KCNK2: variants seen among roughly 807,000 people sequenced by gnomAD.
KCNK2 encodes the protein potassium channel subfamily K member 2.
In KCNK2, 21 loss-of-function variants were observed where a neutral mutation model predicts 40.5. The ratio of observed to expected loss-of-function variants is 0.52; its 90% CI spans 0.37 to 0.75. KCNK2 has a LOEUF of 0.75. Among genes scored for constraint, KCNK2 ranks in the 30% least tolerant of loss-of-function variants. KCNK2 has a pLI of 0.00. For synonymous variants in KCNK2, 191 were observed against 202.2 expected, an observed-to-expected ratio of 0.94 and a Z score of 0.47; for missense variants, 399 against 531.6, an observed-to-expected ratio of 0.75 and a Z score of 2.45.
At chr1:215,167,111 T>C (rs544975235) in intron 3 of KCNK2, among the ~76,000 whole-genome samples, 26 of 152,264 alleles carry the variant, frequency 1.7e-4, no homozygotes, top group Admixed American at 9.8e-4. Flanking sequence ...GGAAAATATG[T>C]GGGTTAAAGT....
chr1:215,050,350 A>G (rs1381402828), intron 1 of KCNK2, among the ~76,000 whole-genome samples: 1 of 152,072 alleles, frequency 6.6e-6, no homozygotes, highest in Admixed American at 6.6e-5. Flanking sequence ...AGTTTTCCGA[A>G]CTCGAAGATT....
intron 1 of KCNK2, among the ~76,000 whole-genome samples, chr1:215,008,494 A>G (rs2102468493): frequency 6.6e-6 from 1 of 152,210 alleles, no homozygotes; most frequent in East Asian, 1.9e-4. Flanking sequence ...CTACTTATAA[A>G]CAGAGTGACT....
At chr1:215,196,306 G>A (rs1366908489) in intron 6 of KCNK2, among the ~76,000 whole-genome samples, 1 of 151,880 alleles carries the variant, frequency 6.6e-6, no homozygotes, top group Non-Finnish European at 1.5e-5. Context: ...GGCTGGTCTA[G>A]AACTCCTGAC....
chr1:215,209,424 T>TATATATATTATATATATA (rs1558140065), intron 6 of KCNK2, among the ~76,000 whole-genome samples: 85 of 54,852 alleles, frequency 1.5e-3, no homozygotes, highest in African/African-American at 7.0e-3. Context: ...TTATATATAA[T>TATATATATTATATATATA]ATATATAATA....
intron 2 of KCNK2, among the ~76,000 whole-genome samples, chr1:215,114,760 T>C (rs1282916619): frequency 6.6e-6 from 1 of 152,170 alleles, no homozygotes; most frequent in East Asian, 1.9e-4. Flanking sequence ...CCATGCAGTA[T>C]ATTAAGAAGT....
chr1:215,059,765 G>A (rs1658305576), intron 1 of KCNK2, among the ~76,000 whole-genome samples: 1 of 152,216 alleles, frequency 6.6e-6, no homozygotes, highest in South Asian at 2.1e-4. Flanking sequence ...AGGGGAGAAA[G>A]ATAGAAAAGA....
chr1:215,126,276 T>C (rs1661434245), intron 3 of KCNK2, among the ~76,000 whole-genome samples: 1 of 152,150 alleles, frequency 6.6e-6, no homozygotes, highest in South Asian at 2.1e-4. Flanking sequence ...TACTTTAGCA[T>C]GCTGATTTTT....
chr1:215,174,292 A>G (rs1663854216), intron 5 of KCNK2, among the ~76,000 whole-genome samples: 1 of 152,042 alleles, frequency 6.6e-6, no homozygotes, highest in Non-Finnish European at 1.5e-5. Context: ...GATGTGTGCT[A>G]TTATTTCTGA....
chr1:215,224,444 C>T (rs1363381460), intron 6 of KCNK2, among the ~76,000 whole-genome samples: 1 of 152,072 alleles, frequency 6.6e-6, no homozygotes, highest in Non-Finnish European at 1.5e-5. Context: ...CAAAAATTGG[C>T]TTTACTTTCT....
At chr1:215,147,416 A>G (rs1662470610) in intron 3 of KCNK2, among the ~76,000 whole-genome samples, 1 of 152,214 alleles carries the variant, frequency 6.6e-6, no homozygotes, top group Non-Finnish European at 1.5e-5. Flanking sequence ...AAATGAACAG[A>G]TCTTTTCACA....
At chr1:215,178,259 C>T (rs993281576) in intron 5 of KCNK2, among the ~76,000 whole-genome samples, 1 of 152,062 alleles carries the variant, frequency 6.6e-6, no homozygotes, top group Non-Finnish European at 1.5e-5. Context: ...AGCCTTTAGG[C>T]AGAATTTTTA....
At chr1:215,021,970 T>C (rs1161766996) in intron 1 of KCNK2, among the ~76,000 whole-genome samples, 1 of 152,178 alleles carries the variant, frequency 6.6e-6, no homozygotes, top group Non-Finnish European at 1.5e-5. Flanking sequence ...CTTACAGCAC[T>C]GGCTGCACTG....
At chr1:215,206,600 G>A (rs2027320) in intron 6 of KCNK2, among the ~76,000 whole-genome samples, 51,616 of 151,846 alleles carry the variant, frequency 0.34, 9,073 homozygotes, top group South Asian at 0.56. Context: ...TAATTATTGC[G>A]TCTCAACTCC....
At chr1:215,216,979 A>G (rs1462506150) in intron 6 of KCNK2, among the ~76,000 whole-genome samples, 1 of 152,222 alleles carries the variant, frequency 6.6e-6, no homozygotes, top group African/African-American at 2.4e-5. Flanking sequence ...CCTCCTAGAA[A>G]CGTTATGGTC....
At chr1:215,126,863 C>T (rs1004027349) in intron 3 of KCNK2, among the ~76,000 whole-genome samples, 13 of 152,120 alleles carry the variant, frequency 8.5e-5, no homozygotes, top group Admixed American at 2.0e-4. Flanking sequence ...GAGTGACCCA[C>T]ATGAGGACTT....
intron 1 of KCNK2, among the ~76,000 whole-genome samples, chr1:215,017,498 A>G (rs905575691): frequency 2.0e-5 from 3 of 152,188 alleles, no homozygotes; most frequent in Admixed American, 6.5e-5. Flanking sequence ...AGAGATGGCA[A>G]CTATTACATG....
At chr1:215,203,787 G>C (rs1236389698) in intron 6 of KCNK2, among the ~76,000 whole-genome samples, 1 of 151,752 alleles carries the variant, frequency 6.6e-6, no homozygotes, top group African/African-American at 2.4e-5. Flanking sequence ...TAAAGAACTA[G>C]TTTCTCTTTG....
At chr1:215,170,917 T>G (rs968412504) in intron 4 of KCNK2, among the ~76,000 whole-genome samples, 2 of 152,144 alleles carry the variant, frequency 1.3e-5, no homozygotes, top group Non-Finnish European at 2.9e-5. Context: ...GGTGATGACA[T>G]TCCAGTAATC....
At chr1:215,110,091 T>C (rs1660614098) in intron 2 of KCNK2, among the ~76,000 whole-genome samples, 1 of 152,006 alleles carries the variant, frequency 6.6e-6, no homozygotes, top group Non-Finnish European at 1.5e-5. Context: ...GGGTTGAGTT[T>C]CTTGCACCTT....
Sources: allele counts gnomAD v4.1 joint callset (sites outside exome capture counted in the v4.1 genomes callset), GRCh38; gene constraint gnomAD v4.1.1; transcripts MANE v1.5; gene names NCBI Gene and HGNC (gene_info 2026-07-23, HGNC 2026-07-21).